Variants in NCKAP5 observed in about 807,000 individuals in gnomAD.
NCKAP5 encodes the protein nck-associated protein 5.
In NCKAP5, 92 loss-of-function variants were observed where a neutral mutation model predicts 167.0. That is an observed-to-expected ratio of 0.55 (90% confidence interval 0.47 to 0.66). The LOEUF is 0.66. Ranked by LOEUF, NCKAP5 falls within the 30% of genes least tolerant of loss-of-function variation. The pLI, the probability that NCKAP5 is intolerant of heterozygous loss-of-function variation, is 0.00. For missense variants in NCKAP5, 2,378 were observed against 2,315.0 expected (o/e 1.03, Z -0.56); for synonymous variants, 891 against 877.4 (o/e 1.02, Z -0.27).
intron 6 of NCKAP5, among the ~76,000 whole-genome samples, chr2:133,101,006 G>C (rs1192649452): frequency 6.6e-6 from 1 of 151,998 alleles, no homozygotes; most frequent in Non-Finnish European, 1.5e-5. Flanking sequence ...GTAATGCCTA[G>C]GTTTTCTTCT....
intron 11 of NCKAP5, among the ~76,000 whole-genome samples, chr2:132,828,087 A>G (rs1392537416): frequency 2.0e-5 from 3 of 152,174 alleles, no homozygotes; most frequent in Non-Finnish European, 4.4e-5. Context: ...TGAAAAATGG[A>G]GACACTTCAG....
At chr2:133,626,483 C>T in the NCKAP5 span, among the ~76,000 whole-genome samples, 1 of 120,984 alleles carries the variant, frequency 8.3e-6, no homozygotes, top group Non-Finnish European at 1.5e-5. Flanking sequence ...GGGGAGAAAC[C>T]TATTAGCTTA....
chr2:133,397,051 G>A (rs1687775135), intron 3 of NCKAP5, among the ~76,000 whole-genome samples: 1 of 152,202 alleles, frequency 6.6e-6, no homozygotes, highest in Admixed American at 6.5e-5. Flanking sequence ...CAACTGGAAT[G>A]ACCCATATCA....
chr2:133,039,173 A>T (rs2079133531), intron 6 of NCKAP5, among the ~76,000 whole-genome samples: 1 of 152,216 alleles, frequency 6.6e-6, no homozygotes, highest in Non-Finnish European at 1.5e-5. Flanking sequence ...ATAGGAGGAC[A>T]CAGAGTGATG....
intron 4 of NCKAP5, chr2:133,268,583 C>G (rs1002962107): frequency 6.7e-6 from 1 of 149,760 alleles, no homozygotes; most frequent in African/African-American, 2.5e-5. Context: ...CCCGGGTTCA[C>G]GCCATTCTCC....
chr2:133,481,066 T>C (rs2151313623), intron 3 of NCKAP5, among the ~76,000 whole-genome samples: 1 of 152,334 alleles, frequency 6.6e-6, no homozygotes, highest in South Asian at 2.1e-4. Flanking sequence ...CATTGGATAA[T>C]AGAAGAAAAG....
At chr2:133,444,072 A>G (rs1459077415) in intron 3 of NCKAP5, among the ~76,000 whole-genome samples, 1 of 151,930 alleles carries the variant, frequency 6.6e-6, no homozygotes, top group East Asian at 1.9e-4. Flanking sequence ...AGTTTGCTGT[A>G]TTGTCTAAAA....
At chr2:133,053,776 ACTT>A (rs1318434134) in intron 6 of NCKAP5, among the ~76,000 whole-genome samples, 1 of 152,210 alleles carries the variant, frequency 6.6e-6, no homozygotes, top group African/African-American at 2.4e-5. Flanking sequence ...CTAAGGAAAC[ACTT>A]CTTTGCTGTG....
intron 3 of NCKAP5, among the ~76,000 whole-genome samples, chr2:133,450,256 G>T (rs987943593): frequency 1.3e-5 from 2 of 152,072 alleles, no homozygotes; most frequent in African/African-American, 4.8e-5. Flanking sequence ...CATCCCTCAG[G>T]TAATGTCAAC....
At chr2:133,310,679 G>A (rs184851621) in intron 3 of NCKAP5, among the ~76,000 whole-genome samples, 2 of 152,254 alleles carry the variant, frequency 1.3e-5, no homozygotes, top group East Asian at 1.9e-4. Context: ...ATACTCTTTC[G>A]AGTAGGCCAT....
At chr2:133,404,358 G>C (rs555106198) in intron 3 of NCKAP5, among the ~76,000 whole-genome samples, 16 of 152,280 alleles carry the variant, frequency 1.1e-4, no homozygotes, top group Non-Finnish European at 2.2e-4. Context: ...AAAACCACTA[G>C]TGGATGCCTG....
At chr2:132,991,802 T>C (rs1195184034) in intron 7 of NCKAP5, among the ~76,000 whole-genome samples, 10 of 152,166 alleles carry the variant, frequency 6.6e-5, no homozygotes. Context: ...CCCCATATTA[T>C]GAAGCAATAA....
At chr2:133,669,729 A>G in the NCKAP5 span, among the ~76,000 whole-genome samples, 1 of 152,168 alleles carries the variant, frequency 6.6e-6, no homozygotes, top group Non-Finnish European at 1.5e-5. Flanking sequence ...ATTACGAGAG[A>G]AATATTCTAT....
chr2:132,709,261 A>T (rs1688639293), intron 19 of NCKAP5, among the ~76,000 whole-genome samples: 1 of 152,166 alleles, frequency 6.6e-6, no homozygotes, highest in South Asian at 2.1e-4. Flanking sequence ...AAACAGAAAC[A>T]TCAAAAATGA....
At chr2:133,135,734 G>A (rs972664579) in intron 5 of NCKAP5, among the ~76,000 whole-genome samples, 3 of 152,112 alleles carry the variant, frequency 2.0e-5, no homozygotes, top group African/African-American at 7.2e-5. Flanking sequence ...CTTTAAGCCA[G>A]TTTCCTCTGC....
chr2:133,024,497 C>T (rs1430680990), intron 6 of NCKAP5, among the ~76,000 whole-genome samples: 1 of 152,096 alleles, frequency 6.6e-6, no homozygotes, highest in Non-Finnish European at 1.5e-5. Context: ...GTTAACATAT[C>T]TTTCATTAAA....
chr2:133,455,678 T>C (rs1343048436), intron 3 of NCKAP5, among the ~76,000 whole-genome samples: 1 of 152,040 alleles, frequency 6.6e-6, no homozygotes, highest in Non-Finnish European at 1.5e-5. Flanking sequence ...CACCATATAT[T>C]AAAAATAGAA....
chr2:132,868,297 C>G (rs1690515352), intron 10 of NCKAP5, among the ~76,000 whole-genome samples: 1 of 152,052 alleles, frequency 6.6e-6, no homozygotes. Flanking sequence ...CAAATTTGGG[C>G]AAAATTGACC....
chr2:132,778,667 C>A, intron 15 of NCKAP5, among the ~76,000 whole-genome samples: 1 of 152,120 alleles, frequency 6.6e-6, no homozygotes, highest in South Asian at 2.1e-4. Flanking sequence ...CAATTCTTTG[C>A]AACACAGTTT....
Sources: allele counts gnomAD v4.1 joint callset (sites outside exome capture counted in the v4.1 genomes callset), GRCh38; gene constraint gnomAD v4.1.1; transcripts MANE v1.5; gene names NCBI Gene and HGNC (gene_info 2026-07-23, HGNC 2026-07-21).